ANTXR1: variants seen among roughly 807,000 people sequenced by gnomAD.
ANTXR1 encodes ANTXR cell adhesion molecule 1.
Under a neutral mutation model 78.1 loss-of-function variants are expected in ANTXR1, and 19 were observed. The ratio of observed to expected loss-of-function variants is 0.24; its 90% CI spans 0.17 to 0.36. ANTXR1 has a LOEUF of 0.36. Ranked by LOEUF, ANTXR1 falls within the 10% of genes least tolerant of loss-of-function variation. The pLI, the probability that ANTXR1 is intolerant of heterozygous loss-of-function variation, is 1.00. For synonymous variants in ANTXR1, 273 were observed against 260.5 expected (o/e 1.05, Z -0.46); for missense variants, 518 against 718.6 (o/e 0.72, Z 3.19).
At chr2:69,083,972 T>G (rs926947304) in intron 8 of ANTXR1, among the ~76,000 whole-genome samples, 1 of 152,250 alleles carries the variant, frequency 6.6e-6, no homozygotes, top group Non-Finnish European at 1.5e-5. Context: ...ACACTATTAT[T>G]TCTATTCAGC....
chr2:69,127,529 A>T (rs1202780345), intron 12 of ANTXR1, among the ~76,000 whole-genome samples: 1 of 152,110 alleles, frequency 6.6e-6, no homozygotes, highest in Non-Finnish European at 1.5e-5. Context: ...GCTTTTGAGC[A>T]GAGGAAAACA....
chr2:69,174,908 A>G (rs979267486), intron 14 of ANTXR1, among the ~76,000 whole-genome samples: 1 of 152,220 alleles, frequency 6.6e-6, no homozygotes, highest in African/African-American at 2.4e-5. Context: ...TAGATGCAAA[A>G]CTGAGGTATA....
intron 13 of ANTXR1, among the ~76,000 whole-genome samples, chr2:69,153,181 G>A (rs183144329): frequency 8.1e-4 from 124 of 152,234 alleles, no homozygotes; most frequent in Non-Finnish European, 4.0e-4. Flanking sequence ...TGGAAGGGCC[G>A]GCAAGGCACA....
chr2:69,136,179 A>G (rs142148564), intron 12 of ANTXR1, among the ~76,000 whole-genome samples: 63 of 152,314 alleles, frequency 4.1e-4, no homozygotes, highest in African/African-American at 1.4e-3. Context: ...TACTGTACCA[A>G]AAGTAAAGAT....
chr2:69,122,769 GGTGTGT>G (rs1250885547), intron 10 of ANTXR1, among the ~76,000 whole-genome samples: 1 of 150,944 alleles, frequency 6.6e-6, no homozygotes, highest in African/African-American at 2.4e-5. Flanking sequence ...AACAGTCCCC[GGTGTGT>G]GATGTTCCCC....
At chr2:69,134,899 G>T (rs1015308884) in intron 12 of ANTXR1, 6 of 211,116 alleles carry the variant, frequency 2.8e-5, no homozygotes, top group Admixed American at 2.8e-4. Flanking sequence ...CTATTTATTA[G>T]CCAGTCTCCA....
At chr2:69,172,319 GC>G in intron 14 of ANTXR1, 9 of 1,513,914 alleles carry the variant, frequency 5.9e-6, no homozygotes, top group Non-Finnish European at 7.3e-6. Flanking sequence ...GTGTGTGTTG[GC>G]CCTGTGAGTT....
intron 10 of ANTXR1, among the ~76,000 whole-genome samples, chr2:69,121,609 G>T (rs1178412816): frequency 6.6e-6 from 1 of 152,180 alleles, no homozygotes; most frequent in Non-Finnish European, 1.5e-5. Context: ...ATGACTTGCA[G>T]ATATCATAAG....
chr2:69,178,325 C>T lies in ANTXR1; in HGVS notation c.1090-3461C>T, dbSNP rs115780354. Among the ~76,000 whole-genome samples, 711 of 152,356 alleles carry T rather than the reference C, an allele frequency of 4.7e-3. 7 individuals carry two copies. The highest frequency in any genetic ancestry group is 0.016 in the African/African-American group (648 of 41,586). On this transcript the variant is annotated intron_variant, in intron 14 of 17. Transcript: ENST00000303714. ...AACTCTGACTCTCCCGTCCGTCAGCCCCTGGGCCTTTGTGCTGCCTGGTGC... is the reference window on the plus strand; with the variant it reads ...AACTCTGACTCTCCCGTCCGTCAGCTCCTGGGCCTTTGTGCTGCCTGGTGC...
intron 9 of ANTXR1, among the ~76,000 whole-genome samples, chr2:69,102,624 T>C (rs1307595399): frequency 6.6e-6 from 1 of 152,144 alleles, no homozygotes; most frequent in Non-Finnish European, 1.5e-5. Context: ...GGGTGGGAAT[T>C]CAAATAAGAA....
At chr2:69,054,511 G>C (rs1477698422) in intron 3 of ANTXR1, among the ~76,000 whole-genome samples, 1 of 152,138 alleles carries the variant, frequency 6.6e-6, no homozygotes, top group Non-Finnish European at 1.5e-5. Flanking sequence ...CACAGATGGG[G>C]GTACGAGGTT....
chr2:69,123,382 G>A (rs1672417768), intron 11 of ANTXR1, among the ~76,000 whole-genome samples: 1 of 152,238 alleles, frequency 6.6e-6, no homozygotes, highest in Non-Finnish European at 1.5e-5. Context: ...ACAGCAGTGA[G>A]TGGAAGAGCT....
rs778606618 is a variant in ANTXR1 at position 69,071,799 on chromosome 2, G to A, written c.412+12G>A. 24 of 1,612,304 alleles carry A rather than the reference G, an allele frequency of 1.5e-5. No individual in the cohort carries two copies. Among genetic ancestry groups the A allele is most frequent in the Non-Finnish European group, 2.0e-5 (24 of 1,178,548 alleles). On this transcript the variant is annotated intron_variant, in intron 5 of 17. Transcript: ENST00000303714. Reference sequence around the variant, plus strand: ...TGAAAACAGACAAGGTAAGACTATAGTATGAACTACCATTATGAATTATTT... The same window carrying A: ...TGAAAACAGACAAGGTAAGACTATAATATGAACTACCATTATGAATTATTT...
chr2:69,200,522 T>C (rs958788221), intron 17 of ANTXR1, among the ~76,000 whole-genome samples: 20 of 152,256 alleles, frequency 1.3e-4, no homozygotes, highest in African/African-American at 4.8e-4. Context: ...GTCTGCACTC[T>C]TGCATTCTCT....
At position 69,245,382 on chromosome 2, in the gene ANTXR1, C is replaced by G. The variant is rs1230879179; in HGVS notation, c.1592C>G (p.Pro531Arg). Residue 531 changes from proline to arginine, a missense_variant, in exon 18 of 18, where the codon CCT becomes CGT. By Grantham distance (103) the Pro-to-Arg change is moderately radical. Coordinates refer to ENST00000303714, the MANE Select transcript of ANTXR1 (RefSeq NM_032208.3). The part of the protein sequence containing the change: ...CPPPPPSAPT[P>R]PIPSPPSTLP... ...CCCCCGCCCCCCAGCGCCCCTACCC[C>G]TCCCATCCCGTCCCCACCTTCCACC... The G allele has an allele frequency of 6.6e-7, 1 of 1,518,398 alleles. No homozygotes were observed. The highest frequency in any genetic ancestry group is 1.2e-5 in the South Asian group (1 of 80,480). The allele number at this position is 1,518,398 out of a possible 1,614,324, so 94.1% of individuals were successfully genotyped here.
At chr2:69,027,621 A>AGTGTGTGTGTGTGTGTGT (rs10631795) in intron 1 of ANTXR1, among the ~76,000 whole-genome samples, 4 of 146,952 alleles carry the variant, frequency 2.7e-5, no homozygotes, top group East Asian at 4.1e-4. Context: ...AGATGATGCA[A>AGTGTGTGTGTGTGTGTGT]GTGTGTGTGT....
chr2:69,070,238 C>T (rs1257549458), intron 3 of ANTXR1, among the ~76,000 whole-genome samples: 2 of 152,200 alleles, frequency 1.3e-5, no homozygotes, highest in African/African-American at 2.4e-5. Context: ...CTTCCACCTG[C>T]GTCCTTGTGG....
chr2:69,084,898 G>T (rs562068655), intron 8 of ANTXR1, among the ~76,000 whole-genome samples: 1 of 145,752 alleles, frequency 6.9e-6, no homozygotes, highest in East Asian at 2.0e-4. Context: ...TGTTGCCCAG[G>T]CTGGAGTGCA....
At chr2:69,093,027 A>G (rs150079295) in intron 9 of ANTXR1, among the ~76,000 whole-genome samples, 2 of 152,246 alleles carry the variant, frequency 1.3e-5, no homozygotes, top group Non-Finnish European at 2.9e-5. Flanking sequence ...CAACCTTGGA[A>G]TGAATCAGAA....
Sources: allele counts gnomAD v4.1 joint callset (sites outside exome capture counted in the v4.1 genomes callset), GRCh38; gene constraint gnomAD v4.1.1; transcripts MANE v1.5; gene names NCBI Gene and HGNC (gene_info 2026-07-23, HGNC 2026-07-21).